The following CHM variants were observed in gnomAD, a reference collection of about 807,000 sequenced individuals.
CHM encodes rab proteins geranylgeranyltransferase component A 1.
CHM carries 10 observed loss-of-function variants against 49.0 expected under a neutral mutation model. The ratio of observed to expected loss-of-function variants is 0.20; its 90% CI spans 0.13 to 0.35. The LOEUF is 0.35. Among genes scored for constraint, CHM ranks in the 10% least tolerant of loss-of-function variants. CHM has a pLI of 1.00. For missense variants in CHM, 455 were observed against 478.4 expected (o/e 0.95, Z 0.46); for synonymous variants, 184 against 167.5 (o/e 1.10, Z -0.76).
chrX:85,967,413 C>T (rs1445159511), intron 4 of CHM, among the ~76,000 whole-genome samples: 1 of 111,996 alleles, frequency 8.9e-6, no homozygotes, highest in Non-Finnish European at 1.9e-5. Flanking sequence ...TATAAGCCTT[C>T]AAATGAACCT....
intron 8 of CHM, among the ~76,000 whole-genome samples, chrX:85,943,826 T>C (rs1160096579): frequency 8.9e-6 from 1 of 112,007 alleles, no homozygotes; most frequent in Non-Finnish European, 1.9e-5. Context: ...CTTAACTTTG[T>C]TCATTTGTAA....
chrX:85,941,282 C>G (rs1159908696), intron 8 of CHM, among the ~76,000 whole-genome samples: 1 of 111,669 alleles, frequency 9.0e-6, no homozygotes, highest in Non-Finnish European at 1.9e-5. Context: ...CCTAGACCAG[C>G]AGCATGAGCA....
intron 12 of CHM, among the ~76,000 whole-genome samples, chrX:85,890,663 G>GT (rs1284598742): frequency 8.0e-5 from 9 of 112,246 alleles, no homozygotes; most frequent in African/African-American, 2.9e-4. Flanking sequence ...CTATGGAACT[G>GT]TAAGTCCAAT....
At chrX:85,965,099 A>G (rs1295210048) in intron 4 of CHM, among the ~76,000 whole-genome samples, 1 of 111,962 alleles carries the variant, frequency 8.9e-6, no homozygotes, top group Non-Finnish European at 1.9e-5. Flanking sequence ...ATCTCCACCT[A>G]CTTTCCAACA....
chrX:85,911,628 C>CCTA lies in CHM; in HGVS notation c.1167-293_1167-291dup, dbSNP rs1246867392. Among the ~76,000 whole-genome samples, 5 of 109,752 alleles carry CCTA rather than the reference C, an allele frequency of 4.6e-5. No individual in the cohort carries two copies. The East Asian group carries it at 1.2e-3, about 25-fold the overall frequency. Reference sequence around the variant, plus strand: ...ATTATCCCCCGAAAATCAGCTCCTGCCTACCTAAGGTACAAAGAACACAAA... The same window carrying CCTA: ...ATTATCCCCCGAAAATCAGCTCCTGCCTACTACCTAAGGTACAAAGAACACAAA... On this transcript the variant is annotated intron_variant, in intron 8 of 14. Coordinates refer to ENST00000357749, the MANE Select transcript of CHM (RefSeq NM_000390.4).
rs757051644 is a variant in CHM at position 85,945,856 on chromosome X, C to T, written c.1166+10297G>A. On this transcript the variant is annotated intron_variant, in intron 8 of 14. Transcript: ENST00000357749. ...TAAATGGCTCTGATCAAAATGCTGACAGTTATATGGACAATGAAGTCCAGG... is the reference window on the plus strand; with the variant it reads ...TAAATGGCTCTGATCAAAATGCTGATAGTTATATGGACAATGAAGTCCAGG... Among the ~76,000 whole-genome samples the T allele has an allele frequency of 1.6e-3, 181 of 111,610 alleles. 1 individual carries two copies. The highest frequency in any genetic ancestry group is 5.0e-3 in the African/African-American group (153 of 30,739).
At position 85,993,839 on chromosome X, in the gene CHM, TAA is replaced by T. The variant is rs763975131; in HGVS notation, c.117-12032_117-12031del. Among the ~76,000 whole-genome samples the T allele has an allele frequency of 4.5e-5, 5 of 111,551 alleles. No homozygotes were observed. In the South Asian group the frequency reaches 1.9e-3, roughly 42 times the overall value. On this transcript the variant is annotated intron_variant, in intron 2 of 14. Transcript: ENST00000357749. ...ACCATAAAACTAATGATGGAACTAG[TAA>T]AAAAAGACAGAACTACTCAAATTCA...
In CHM at chrX:85,879,018, T is replaced by C; in HGVS notation, c.1556A>G (p.Asp519Gly). 1 of 1,205,411 alleles carries C rather than the reference T, an allele frequency of 8.3e-7. No homozygotes were observed. Among genetic ancestry groups the C allele is most frequent in the Non-Finnish European group, 1.1e-6 (1 of 890,935 alleles). The change falls in exon 13 of 15, where the codon GAT becomes GGT. Residue 519 changes from aspartate to glycine, a missense_variant. Asp to Gly is a moderately conservative substitution (Grantham distance 94, BLOSUM62 -1). Coordinates refer to ENST00000357749, the MANE Select transcript of CHM (RefSeq NM_000390.4). ...TCTSSKTARE[D>G]LESVVQKLFV... The stretch of plus-strand genomic sequence containing the variant: ...CAATTTCTGCACAACTGATTCTAAA[T>C]CTTCTCTTGCTGTTTTAGAAGATGT...
chrX:86,008,613 C>G (rs1375057086), intron 2 of CHM, among the ~76,000 whole-genome samples: 1 of 111,504 alleles, frequency 9.0e-6, no homozygotes, highest in African/African-American at 3.3e-5. Flanking sequence ...TAATAAACAG[C>G]TATTGTACAG....
At chrX:85,971,197 C>T (rs534908247) in intron 4 of CHM, 1 of 754,573 alleles carries the variant, frequency 1.3e-6, no homozygotes, top group Non-Finnish European at 1.6e-6. Context: ...TGCACTAATC[C>T]ATTTGAATTC....
intron 2 of CHM, among the ~76,000 whole-genome samples, chrX:86,004,895 G>A (rs1436844847): frequency 1.8e-5 from 2 of 111,706 alleles, no homozygotes; most frequent in Non-Finnish European, 3.8e-5. Context: ...ATTGAACTCA[G>A]CTCCGCATCA....
chrX:85,964,554 T>C (rs986625228), intron 4 of CHM, among the ~76,000 whole-genome samples: 1 of 111,566 alleles, frequency 9.0e-6, no homozygotes. Context: ...GCCTGGGACA[T>C]AGTAAATACT....
At chrX:85,905,457 A>ACAGAGACAATTTTTGAAGATTCAGG (rs1230352368) in intron 9 of CHM, among the ~76,000 whole-genome samples, 1 of 111,819 alleles carries the variant, frequency 8.9e-6, no homozygotes, top group East Asian at 2.8e-4. Context: ...CAAGATTCAG[A>ACAGAGACAATTTTTGAAGATTCAGG]CAGAGACAAT....
chrX:85,897,622 C>A (rs1925989753), intron 11 of CHM, among the ~76,000 whole-genome samples: 1 of 109,753 alleles, frequency 9.1e-6, no homozygotes, highest in African/African-American at 3.3e-5. Flanking sequence ...TTGAGAGGAG[C>A]AGGGGATAAG....
At chrX:85,933,201 A>C (rs748947611) in intron 8 of CHM, among the ~76,000 whole-genome samples, 111 of 111,002 alleles carry the variant, frequency 1.0e-3, no homozygotes, top group African/African-American at 3.6e-3. Flanking sequence ...CATGGGATTT[A>C]GTGAGACTCT....
chrX:86,041,769 T>TA (rs1197003387), intron 1 of CHM, among the ~76,000 whole-genome samples: 3 of 98,869 alleles, frequency 3.0e-5, no homozygotes, highest in Non-Finnish European at 6.0e-5. Context: ...CATATATATA[T>TA]AAAAAACAAC....
Position 85,920,009 on chromosome X carries a change from T to TA in CHM, c.1167-8672dup, listed in dbSNP as rs915624508. ...TCTTATCAGTCATTCCGATAGTCTTTAAAAAAAATAAGTTTTGGTTGGGGG... is the reference window on the plus strand; with the variant it reads ...TCTTATCAGTCATTCCGATAGTCTTTAAAAAAAAATAAGTTTTGGTTGGGGG... On this transcript the variant is annotated intron_variant, in intron 8 of 14. Transcript: ENST00000357749. 5.4e-5 allele frequency among the ~76,000 whole-genome samples: 6 copies of TA among 111,681 alleles called. No homozygotes were observed. The East Asian group carries it at 1.7e-3, about 31-fold the overall frequency.
intron 2 of CHM, among the ~76,000 whole-genome samples, chrX:86,023,811 T>C (rs775385596): frequency 9.1e-6 from 1 of 109,519 alleles, no homozygotes; most frequent in Non-Finnish European, 1.9e-5. Flanking sequence ...AACTAACCAT[T>C]AACAAAAAAA....
chrX:85,949,976 TAA>T lies in CHM; in HGVS notation c.1166+6175_1166+6176del, dbSNP rs1470414579. The stretch of plus-strand genomic sequence containing the variant: ...AGCTTTGAGCAATAAACACTGAAAT[TAA>T]ATATATATATATATATATATATATA... On this transcript the variant is annotated intron_variant, in intron 8 of 14. Coordinates refer to ENST00000357749, the MANE Select transcript of CHM (RefSeq NM_000390.4). 9.6e-4 allele frequency among the ~76,000 whole-genome samples: 35 copies of T among 36,628 alleles called. No homozygotes were observed. The East Asian group carries it at 0.027, about 28-fold the overall frequency. The allele number at this position is 36,628 out of a possible 115,157, so 31.8% of individuals were successfully genotyped here. A position where few individuals can be genotyped will look rare whatever the true frequency, so the allele number is the denominator to read the frequency against.
Sources: allele counts gnomAD v4.1 joint callset (sites outside exome capture counted in the v4.1 genomes callset), GRCh38; gene constraint gnomAD v4.1.1; transcripts MANE v1.5; gene names NCBI Gene and HGNC (gene_info 2026-07-23, HGNC 2026-07-21).